The following TTN variants were observed in gnomAD, a reference collection of about 807,000 sequenced individuals.
The protein encoded by TTN is connectin.
Under a neutral mutation model 3,223.0 loss-of-function variants are expected in TTN, and 1,525 were observed. The ratio of observed to expected loss-of-function variants is 0.47; its 90% CI spans 0.45 to 0.49. The LOEUF is 0.49. Among genes scored for constraint, TTN ranks in the 20% least tolerant of loss-of-function variants. The pLI, the probability that TTN is intolerant of heterozygous loss-of-function variation, is 0.00. For missense variants in TTN, 40,786 were observed against 43,424.0 expected (o/e 0.94, Z 5.40); for synonymous variants, 14,094 against 15,161.0 (o/e 0.93, Z 5.17).
chr2:178,572,575 T>G lies in TTN; in HGVS notation c.73557A>C (p.Thr24519=). Residue 24519 remains threonine, a synonymous_variant, in exon 326 of 363, where the codon ACA becomes ACC. Transcript: ENST00000589042. ...CCTTCAGATCCTGTGGGGGGCCTGG[T>G]GTATCGAGAACTCTAACATTGACAA... ...SAFVNVRVLD[T]PGPPQDLKVK... The G allele has an allele frequency of 6.2e-7, 1 of 1,613,464 alleles. No individual in the cohort carries two copies. The highest frequency in any genetic ancestry group is 1.1e-5 in the South Asian group (1 of 91,066).
Position 178,537,925 on chromosome 2 carries a change from A to C in TTN, c.99290-8T>G. 1.9e-6 allele frequency: 3 copies of C among 1,588,026 alleles called. No individual in the cohort carries two copies. Among genetic ancestry groups the C allele is most frequent in the Non-Finnish European group, 2.6e-6 (3 of 1,165,626 alleles). The stretch of plus-strand genomic sequence containing the variant: ...TTCCTGGGGCCTCTCCAGCTGAACA[A>C]TATGAAAGATAATATTAAGTGACTG... On this transcript the variant is annotated splice_polypyrimidine_tract_variant and splice_region_variant and intron_variant, in intron 354 of 362. Transcript: ENST00000589042.
In TTN at chr2:178,609,471, G is replaced by T. The variant is rs1225457381; in HGVS notation, c.51839C>A (p.Thr17280Lys). 6.2e-7 allele frequency: 1 copy of T among 1,612,334 alleles called. No individual in the cohort carries two copies. The highest frequency in any genetic ancestry group is 8.5e-7 in the Non-Finnish European group (1 of 1,179,140). ...AATAACATTTTCATCCTTTATCCAT[G>T]TAATAGTTGGGTAAGGTGATCCAGA... is the stretch of plus-strand genomic sequence containing the variant. ...SISGSPYPTI[T>K]WIKDENVIVP... Residue 17280 changes from threonine to lysine, a missense_variant, in exon 273 of 363, where the codon ACA becomes AAA. Thr to Lys is a moderately conservative substitution (Grantham distance 78). Transcript: ENST00000589042.
At position 178,593,257 on chromosome 2, in the gene TTN, C is replaced by T. The variant is rs1442747427; in HGVS notation, c.58951G>A (p.Glu19651Lys). Residue 19651 changes from glutamate (E) to lysine (K), a missense_variant, in exon 299 of 363, where the codon GAA becomes AAA. Glu to Lys is a moderately conservative substitution (Grantham distance 56). Transcript: ENST00000589042. ...VPDLLEGCQY[E>K]FRVSAENEIG... is the part of the protein sequence containing the mutation. ...TCATTTTCTGCAGAAACCCGGAATT[C>T]ATACTGACATCCTTCTAGAAGATCA... 2 of 1,613,382 alleles carry T rather than the reference C, an allele frequency of 1.2e-6. No homozygotes were observed. The highest frequency in any genetic ancestry group is 1.3e-5 in the African/African-American group (1 of 75,004).
Position 178,574,955 on chromosome 2 carries a change from A to T in TTN, c.71177T>A (p.Ile23726Asn). Residue 23726 changes from isoleucine to asparagine, a missense_variant, in exon 326 of 363, where the codon ATC (isoleucine) becomes AAC (asparagine). Coordinates refer to ENST00000589042, the MANE Select transcript of TTN (RefSeq NM_001267550.2). ...GATTGGTCCAGTAGGTGGCCCTGGG[A>T]TATCATGGACTTGAATGGTGATGAC... ...GDVITIQVHD[I>N]PGPPTGPIKF... is the part of the protein sequence containing the mutation. 1 of 1,613,134 alleles carries T rather than the reference A, an allele frequency of 6.2e-7. No homozygotes were observed. Among genetic ancestry groups the T allele is most frequent in the Non-Finnish European group, 8.5e-7 (1 of 1,179,512 alleles).
At chr2:178,643,456 A>C (rs991333260) in intron 218 of TTN, among the ~76,000 whole-genome samples, 1 of 151,950 alleles carries the variant, frequency 6.6e-6, no homozygotes, top group African/African-American at 2.4e-5. Context: ...ATACTATTTT[A>C]GAGGTACCAA....
chr2:178,611,791 G>C lies in TTN; in HGVS notation c.50518C>G (p.Pro16840Ala). The C allele has an allele frequency of 6.2e-7, 1 of 1,612,646 alleles. No individual in the cohort carries two copies. The highest frequency in any genetic ancestry group is 8.5e-7 in the Non-Finnish European group (1 of 1,179,196). ...TCTTCAATGGATAGGATTTCTGTGG[G>C]TTCACTTGGGTGGCCAACTCCAGCT... ...NEAGVGHPSE[P>A]TEILSIEDPT... The change falls in exon 268 of 363, where the codon CCC (proline) becomes GCC (alanine). Residue 16840 changes from proline (P) to alanine (A), a missense_variant. By Grantham distance (27) the Pro-to-Ala change is conservative. Coordinates refer to ENST00000589042, the MANE Select transcript of TTN (RefSeq NM_001267550.2).
intron 265 of TTN, 27 bp downstream of exon 265, chr2:178,612,746 A>G (rs750337051): frequency 1.2e-5 from 19 of 1,581,422 alleles, no homozygotes; most frequent in Non-Finnish European, 1.5e-5. Flanking sequence ...AAGAATTTAT[A>G]TATCCCAGAC....
chr2:178,802,265 G>A lies in TTN; in HGVS notation c.168C>T (p.Ile56=). 6.2e-7 allele frequency: 1 copy of A among 1,614,178 alleles called. No individual in the cohort carries two copies. The highest frequency in any genetic ancestry group is 8.5e-7 in the Non-Finnish European group (1 of 1,180,020). ...GTTTAGCGCGGCCATCGCTAAAGGA[G>A]ATCTGCACGCCGGGCAGAGTGGAAG... ...ISTSTLPGVQ[I]SFSDGRAKLT... Residue 56 remains isoleucine, a synonymous_variant, in exon 3 of 363, where the codon ATC becomes ATT. Coordinates refer to ENST00000589042, the MANE Select transcript of TTN (RefSeq NM_001267550.2).
intron 99 of TTN, among the ~76,000 whole-genome samples, chr2:178,708,471 A>G (rs1245235901): frequency 6.6e-6 from 1 of 152,178 alleles, no homozygotes; most frequent in Non-Finnish European, 1.5e-5. Context: ...ATTTTGTTCA[A>G]TGGTTCTGAG....
At chr2:178,682,514 G>C (rs963301807) in intron 135 of TTN, among the ~76,000 whole-genome samples, 183 bp downstream of exon 135, 2 of 151,846 alleles carry the variant, frequency 1.3e-5, no homozygotes, top group African/African-American at 4.8e-5. Flanking sequence ...ATTTATAGAG[G>C]GTTTTTAAAA....
intron 68 of TTN, 87 bp from the exon 69 acceptor site, chr2:178,727,458 A>G (rs1479798592): frequency 9.3e-6 from 14 of 1,504,496 alleles, no homozygotes; most frequent in Non-Finnish European, 1.2e-5. Context: ...AGAGAAAAAC[A>G]TGAGCAAATA....
rs1687016145 is a variant in TTN, at chr2:178,527,641, C to T, written c.107485G>A (p.Glu35829Lys). The part of the protein sequence containing the change: ...QSVQMSASKQ[E>K]ASFSSFSSSS... ...CTGCTGAAACTGCTGAAGGAGGCCT[C>T]CTGCTTGGAGGCAGACATTTGGACT... The change falls in exon 362 of 363, where the codon GAG (glutamate) becomes AAG (lysine). Residue 35829 changes from glutamate (E) to lysine (K), a missense_variant. Coordinates refer to ENST00000589042, the MANE Select transcript of TTN (RefSeq NM_001267550.2). 6.2e-7 allele frequency: 1 copy of T among 1,613,822 alleles called. No homozygotes were observed. The highest frequency in any genetic ancestry group is 1.3e-5 in the African/African-American group (1 of 74,910).
Position 178,722,246 on chromosome 2 carries a change from C to T in TTN, c.22528+13G>A, listed in dbSNP as rs191694576. On this transcript the variant is annotated intron_variant, in intron 77 of 362. Coordinates refer to ENST00000589042, the MANE Select transcript of TTN (RefSeq NM_001267550.2). ...CACAGTTTGCAAAGAAAAAGAGTGACGTGTGAACAAACCTCTTGCTGTGAG... is the reference window on the plus strand; with the variant it reads ...CACAGTTTGCAAAGAAAAAGAGTGATGTGTGAACAAACCTCTTGCTGTGAG... 38 of 1,554,680 alleles carry T rather than the reference C, an allele frequency of 2.4e-5. No homozygotes were observed. In the African/African-American group the frequency reaches 3.0e-4, roughly 12 times the overall value.
Position 178,588,814 on chromosome 2 carries a change from C to G in TTN, c.62911G>C (p.Glu20971Gln). The stretch of plus-strand genomic sequence containing the variant: ...TCTTCTTTGCTTACTTTAGTGACTT[C>G]TGGGGGATCAGGGCGACCAGGTTTA... Reference protein sequence around the residue: ...YDKPGRPDPPEVTKVSKEEMT... With the variant: ...YDKPGRPDPPQVTKVSKEEMT... The change falls in exon 304 of 363, where the codon GAA becomes CAA. Residue 20971 changes from glutamate to glutamine, a missense_variant. Physicochemically the swap from Glu to Gln is conservative, Grantham distance 29. Transcript: ENST00000589042. 5.0e-6 allele frequency: 8 copies of G among 1,613,366 alleles called. No homozygotes were observed. Among genetic ancestry groups the G allele is most frequent in the Non-Finnish European group, 6.8e-6 (8 of 1,179,590 alleles).
In TTN at chr2:178,543,220, C is replaced by T; in HGVS notation, c.96753G>A (p.Lys32251=). The stretch of plus-strand genomic sequence containing the variant: ...GGACTGTGGGTTTTAAGGTGACAAC[C>T]TTCATCCATCTCTCTGTGCCAGCTT... The part of the protein sequence containing the change: ...ACKAGTERWM[K]VVTLKPTVLE... Residue 32251 remains lysine, a synonymous_variant, in exon 347 of 363, where the codon AAG becomes AAA. Coordinates refer to ENST00000589042, the MANE Select transcript of TTN (RefSeq NM_001267550.2). The T allele has an allele frequency of 6.2e-7, 1 of 1,613,640 alleles. No individual in the cohort carries two copies. The highest frequency in any genetic ancestry group is 1.1e-5 in the South Asian group (1 of 91,076).
chr2:178,686,848 TAG>T (rs1177043854), intron 127 of TTN, among the ~76,000 whole-genome samples: 1 of 152,250 alleles, frequency 6.6e-6, no homozygotes, highest in African/African-American at 2.4e-5. Context: ...TCCTTTTAAC[TAG>T]AGTCTGGAGT....
In TTN at chr2:178,713,281, C is replaced by T. The variant is rs777431053; in HGVS notation, c.26853G>A (p.Gly8951=). ...SSVVMECKVY[G]SPPISVSWFH... is the part of the protein sequence containing the mutation. Reference sequence around the variant, plus strand: ...ACCAGGAGACAGAGATTGGAGGTGACCCATAGACTTTACACTCCATTACAA... The same window carrying T: ...ACCAGGAGACAGAGATTGGAGGTGATCCATAGACTTTACACTCCATTACAA... Residue 8951 remains glycine (G), a synonymous_variant, in exon 93 of 363, where the codon GGG becomes GGA. Coordinates refer to ENST00000589042, the MANE Select transcript of TTN (RefSeq NM_001267550.2). 2 of 1,608,234 alleles carry T rather than the reference C, an allele frequency of 1.2e-6. No individual in the cohort carries two copies. Among genetic ancestry groups the T allele is most frequent in the South Asian group, 2.2e-5 (2 of 89,992 alleles).
At chr2:178,754,795 G>A (rs1368594872) in intron 46 of TTN, among the ~76,000 whole-genome samples, 1 of 152,152 alleles carries the variant, frequency 6.6e-6, no homozygotes, top group Admixed American at 6.6e-5. Flanking sequence ...GCCTTTGTAG[G>A]CTACGGTGAC....
At position 178,598,733 on chromosome 2, in the gene TTN, G is replaced by T. The variant is rs894002337; in HGVS notation, c.56962+15C>A. The T allele has an allele frequency of 6.2e-7, 1 of 1,605,354 alleles. No homozygotes were observed. ...AAAATAAGATTTAAAAAAAAGGAAT[G>T]GTTTCCAGGCTTACCAATTGGATCT... On this transcript the variant is annotated intron_variant, in intron 291 of 362. Coordinates refer to ENST00000589042, the MANE Select transcript of TTN (RefSeq NM_001267550.2).
Sources: gnomAD v4.1 joint callset for allele counts (sites outside exome capture counted in the v4.1 genomes callset) on GRCh38, gnomAD v4.1.1 for gene constraint, MANE v1.5 for transcripts, NCBI Gene and HGNC (gene_info 2026-07-23, HGNC 2026-07-21) for gene names.